Variants in UBXN7 observed in about 807,000 individuals in gnomAD.
UBXN7 encodes the protein UBX domain protein 7.
In UBXN7, 9 loss-of-function variants were observed where a neutral mutation model predicts 58.0. The observed-to-expected ratio is 0.16, with a 90% CI of 0.09 to 0.27. The LOEUF is 0.27. Ranked by LOEUF, UBXN7 falls within the 10% of genes least tolerant of loss-of-function variation. The pLI, the probability that UBXN7 is intolerant of heterozygous loss-of-function variation, is 1.00. For synonymous variants in UBXN7, 208 were observed against 205.0 expected, an observed-to-expected ratio of 1.01 and a Z score of -0.12; for missense variants, 328 against 599.6, an observed-to-expected ratio of 0.55 and a Z score of 4.73.
At chr3:196,385,251 G>C (rs1382442235) in intron 5 of UBXN7, among the ~76,000 whole-genome samples, 2 of 152,230 alleles carry the variant, frequency 1.3e-5, no homozygotes. Context: ...TGATCTGCCA[G>C]CCTCGGCCTC....
intron 5 of UBXN7, among the ~76,000 whole-genome samples, chr3:196,374,277 T>G (rs1317412159): frequency 6.6e-6 from 1 of 152,162 alleles, no homozygotes; most frequent in African/African-American, 2.4e-5. Context: ...AGTCACTTTT[T>G]TTTTTCGCTT....
At chr3:196,430,535 G>A (rs1482450572) in intron 1 of UBXN7, among the ~76,000 whole-genome samples, 2 of 151,840 alleles carry the variant, frequency 1.3e-5, no homozygotes, top group African/African-American at 2.4e-5. Context: ...CTACATGTCG[G>A]TGCCACTACA....
At position 196,356,849 on chromosome 3, in the gene UBXN7, A is replaced by G. The variant is rs1453622108; in HGVS notation, c.1309-3T>C. 1.9e-6 allele frequency: 3 copies of G among 1,600,850 alleles called. 1 individual carries two copies. Among genetic ancestry groups the G allele is most frequent in the Admixed American group, 3.6e-5 (2 of 55,084 alleles). ...GACTGCACGTGCTTCACCAAAGCCT[A>G]TAAAAACAAGAGAAAGACAAAGCCA... On this transcript the variant is annotated splice_region_variant and splice_polypyrimidine_tract_variant and intron_variant, in intron 10 of 10. Transcript: ENST00000296328.
chr3:196,418,221 C>G (rs908383592), intron 1 of UBXN7, among the ~76,000 whole-genome samples: 10 of 150,300 alleles, frequency 6.7e-5, no homozygotes, highest in African/African-American at 2.5e-4. Context: ...TGGGCGACAG[C>G]AAGACTCCAT....
intron 1 of UBXN7, among the ~76,000 whole-genome samples, chr3:196,427,052 T>C (rs1730872431): frequency 6.6e-6 from 1 of 152,200 alleles, no homozygotes; most frequent in South Asian, 2.1e-4. Context: ...CAGTAACCTC[T>C]TGTACTCTTC....
chr3:196,407,657 T>C (rs74622384), intron 1 of UBXN7, among the ~76,000 whole-genome samples: 1 of 152,128 alleles, frequency 6.6e-6, no homozygotes, highest in African/African-American at 2.4e-5. Context: ...TTTTTGGCCA[T>C]TTCTTTGGCC....
intron 3 of UBXN7, among the ~76,000 whole-genome samples, chr3:196,398,745 C>G (rs1021602719): frequency 9.9e-5 from 15 of 152,148 alleles, no homozygotes; most frequent in African/African-American, 3.4e-4. Flanking sequence ...TCTTCTCACC[C>G]CTCGGCCTCC....
intron 2 of UBXN7, among the ~76,000 whole-genome samples, chr3:196,405,512 A>C (rs1730135443): frequency 6.6e-6 from 1 of 151,924 alleles, no homozygotes. Flanking sequence ...GAAAGAAAGA[A>C]AACTTTTACC....
At chr3:196,416,711 G>A (rs899456914) in intron 1 of UBXN7, among the ~76,000 whole-genome samples, 2 of 152,098 alleles carry the variant, frequency 1.3e-5, no homozygotes, top group African/African-American at 2.4e-5. Context: ...CCAATTCAGA[G>A]ATTAATTTGG....
Position 196,354,850 on chromosome 3 carries a change from T to C in UBXN7, c.*1835A>G, listed in dbSNP as rs1237310904. The C allele has an allele frequency of 6.6e-6, 1 of 151,198 alleles. No individual in the cohort carries two copies. Among genetic ancestry groups the C allele is most frequent in the African/African-American group, 2.4e-5 (1 of 41,312 alleles). The allele number at this position is 151,198 out of a possible 1,614,324, so 9.4% of individuals were successfully genotyped here. ...AAATGAAACCGTAATTATATAAATA[T>C]ATTTATAAATATTTATACAATTATA... is the stretch of plus-strand genomic sequence containing the variant. On this transcript the variant is annotated 3_prime_UTR_variant, in exon 11 of 11. Coordinates refer to ENST00000296328, the MANE Select transcript of UBXN7 (RefSeq NM_015562.2).
intron 3 of UBXN7, 35 bp from the exon 4 acceptor site, chr3:196,393,654 A>T (rs746785188): frequency 1.8e-5 from 29 of 1,578,600 alleles, no homozygotes; most frequent in African/African-American, 1.5e-4. Context: ...AAAATTTTTT[A>T]AATTAATTTT....
In UBXN7 at chr3:196,348,614, G is replaced by A. The variant is rs1728138658; in HGVS notation, c.*8071C>T. 1 of 152,108 alleles carries A rather than the reference G, an allele frequency of 6.6e-6. No individual in the cohort carries two copies. Among genetic ancestry groups the A allele is most frequent in the Non-Finnish European group, 1.5e-5 (1 of 68,028 alleles). 9.4% of individuals were successfully genotyped at this position (152,108 alleles called of 1,614,324 possible). ...GAACTGCTTTAGAAAACACTTTAAA[G>A]CAAATACCCCAAGTTGACTTCACTC... On this transcript the variant is annotated 3_prime_UTR_variant, in exon 11 of 11. Transcript: ENST00000296328.
At chr3:196,391,791 C>T (rs551182541) in intron 5 of UBXN7, 22 bp downstream of exon 5, 2 of 1,549,466 alleles carry the variant, frequency 1.3e-6, no homozygotes, top group Non-Finnish European at 1.8e-6. Flanking sequence ...ATAGTTAAGG[C>T]ACTGACTCTC....
At chr3:196,429,895 C>T (rs932591321) in intron 1 of UBXN7, among the ~76,000 whole-genome samples, 2 of 152,098 alleles carry the variant, frequency 1.3e-5, no homozygotes, top group African/African-American at 4.8e-5. Context: ...GCTACGTAGA[C>T]GAACAGAAAC....
intron 5 of UBXN7, among the ~76,000 whole-genome samples, chr3:196,387,193 T>C (rs1458423982): frequency 6.6e-6 from 1 of 152,080 alleles, no homozygotes; most frequent in Non-Finnish European, 1.5e-5. Flanking sequence ...GGGGAAAGGA[T>C]TCCCTATTTA....
chr3:196,424,449 T>C (rs924887568), intron 1 of UBXN7, among the ~76,000 whole-genome samples: 3 of 144,218 alleles, frequency 2.1e-5, no homozygotes, highest in African/African-American at 2.5e-5. Flanking sequence ...GGCTGGAGTA[T>C]AGCAGCAGGA....
At chr3:196,399,192 T>C (rs556612143) in intron 3 of UBXN7, among the ~76,000 whole-genome samples, 1 of 152,342 alleles carries the variant, frequency 6.6e-6, no homozygotes, top group African/African-American at 2.4e-5. Context: ...TGTGCATACA[T>C]CCTATTTCAA....
intron 5 of UBXN7, among the ~76,000 whole-genome samples, chr3:196,388,467 CTGTT>C (rs1034141298): frequency 2.2e-5 from 3 of 139,112 alleles, no homozygotes; most frequent in African/African-American, 7.5e-5. Context: ...AAATAAGCTA[CTGTT>C]TGTTTTTTTT....
intron 1 of UBXN7, among the ~76,000 whole-genome samples, chr3:196,429,045 A>G (rs1247027863): frequency 6.6e-6 from 1 of 150,766 alleles, no homozygotes; most frequent in African/African-American, 2.4e-5. Flanking sequence ...ATCCGTCATT[A>G]GGCCAGGCGC....
Sources: allele counts gnomAD v4.1 joint callset (sites outside exome capture counted in the v4.1 genomes callset), GRCh38; gene constraint gnomAD v4.1.1; transcripts MANE v1.5; gene names NCBI Gene and HGNC (gene_info 2026-07-23, HGNC 2026-07-21).